Variants in RBM17 observed in about 807,000 individuals in gnomAD.
RBM17 encodes RNA binding motif protein 17, also known as splicing factor 45.
RBM17 carries 7 observed loss-of-function variants against 53.2 expected under a neutral mutation model. The observed-to-expected ratio is 0.13, with a 90% CI of 0.07 to 0.25. The LOEUF (loss-of-function observed/expected upper bound fraction) is 0.25, where lower values mean the gene tolerates loss of function less well. Among genes scored for constraint, RBM17 ranks in the 10% least tolerant of loss-of-function variants. The pLI is 1.00. For missense variants in RBM17, 257 were observed against 496.7 expected (o/e 0.52, Z 4.59); for synonymous variants, 167 against 178.1 (o/e 0.94, Z 0.50).
chr10:6,105,428 C>A (rs1341399823), intron 4 of RBM17, among the ~76,000 whole-genome samples: 1 of 152,194 alleles, frequency 6.6e-6, no homozygotes, highest in Non-Finnish European at 1.5e-5. Flanking sequence ...ATCTGAAATG[C>A]TCCAAAATCT....
chr10:6,099,279 G>T (rs1588345205), intron 2 of RBM17, among the ~76,000 whole-genome samples: 1 of 146,714 alleles, frequency 6.8e-6, no homozygotes, highest in Non-Finnish European at 1.5e-5. Flanking sequence ...AGTTTTGTGG[G>T]TTTTTTTTTT....
Position 6,105,018 on chromosome 10 carries a change from A to C in RBM17, c.328A>C (p.Lys110Gln), listed in dbSNP as rs1389206158. 1 of 1,614,014 alleles carries C rather than the reference A, an allele frequency of 6.2e-7. No individual in the cohort carries two copies. The highest frequency in any genetic ancestry group is 8.5e-7 in the Non-Finnish European group (1 of 1,179,974). Residue 110 changes from lysine (K) to glutamine (Q), a missense_variant, in exon 4 of 12, where the codon AAA (lysine) becomes CAA (glutamine). Transcript: ENST00000379888. The stretch of plus-strand genomic sequence containing the variant: ...CCCTATGTTTCCTAATGATTATGAG[A>C]AAGTAGTGAAGCGCCAAAGAGAGGA... ...YDPMFPNDYE[K>Q]VVKRQREERQ...
At chr10:6,094,630 G>A (rs767205420) in intron 1 of RBM17, among the ~76,000 whole-genome samples, 3 of 152,216 alleles carry the variant, frequency 2.0e-5, no homozygotes, top group Non-Finnish European at 4.4e-5. Context: ...GTGTTTGGGA[G>A]CCACAGTGCT....
chr10:6,099,448 C>T (rs1465284767), intron 2 of RBM17, among the ~76,000 whole-genome samples: 1 of 152,022 alleles, frequency 6.6e-6, no homozygotes, highest in Non-Finnish European at 1.5e-5. Flanking sequence ...TTCTTGGTGT[C>T]CACAGGGGAT....
chr10:6,107,243 C>T (rs1045823618), intron 5 of RBM17, among the ~76,000 whole-genome samples: 12 of 152,304 alleles, frequency 7.9e-5, no homozygotes, highest in African/African-American at 2.9e-4. Flanking sequence ...GTGGTGCAAT[C>T]TCGGCTCACC....
rs775790217 is a variant in RBM17, at chr10:6,115,937, GTTTTTC to G, written c.*392_*397del. 1.7e-3 allele frequency: 248 copies of G among 150,278 alleles called. No homozygotes were observed. Among genetic ancestry groups the G allele is most frequent in the Non-Finnish European group, 2.6e-3 (182 of 70,036 alleles). 9.3% of individuals were successfully genotyped at this position (150,278 alleles called of 1,614,324 possible). A position where few individuals can be genotyped will look rare whatever the true frequency, so the allele number is the denominator to read the frequency against. ...ATGGGGTTATATTAAATTATTCTTT[GTTTTTC>G]TTTTTCTTTTAATAAAGCCTGCAAG... is the stretch of plus-strand genomic sequence containing the variant. On this transcript the variant is annotated 3_prime_UTR_variant, in exon 12 of 12. Coordinates refer to ENST00000379888, the MANE Select transcript of RBM17 (RefSeq NM_032905.5).
chr10:6,113,493 T>C lies in RBM17; in HGVS notation c.857-15T>C. On this transcript the variant is annotated splice_polypyrimidine_tract_variant and intron_variant, in intron 8 of 11. Transcript: ENST00000379888. The stretch of plus-strand genomic sequence containing the variant: ...CTCAGTTCTGTAACACATCTAATGG[T>C]ATGTTTTGATACAGATGCATCCAAG... The C allele has an allele frequency of 6.3e-7, 1 of 1,580,512 alleles. No homozygotes were observed. Among genetic ancestry groups the C allele is most frequent in the Non-Finnish European group, 8.7e-7 (1 of 1,149,640 alleles).
At chr10:6,097,022 T>A in intron 1 of RBM17, 26 bp from the exon 2 acceptor site, 1 of 1,597,874 alleles carries the variant, frequency 6.3e-7, no homozygotes, top group Non-Finnish European at 8.5e-7. Flanking sequence ...GTGCATTCTT[T>A]AATCCCCACC....
chr10:6,110,291 T>C lies in RBM17; in HGVS notation c.704+164T>C, dbSNP rs889041963. 3.9e-5 allele frequency among the ~76,000 whole-genome samples: 6 copies of C among 152,194 alleles called. No individual in the cohort carries two copies. In the East Asian group the frequency reaches 1.2e-3, roughly 29 times the overall value. ...TCGTGTGGAGCGTGTTCCAGTGTAA[T>C]GATGGGGCTTGTTCAAAACAGCAAC... On this transcript the variant is annotated intron_variant, in intron 7 of 11. Transcript: ENST00000379888.
chr10:6,115,004 G>T, intron 10 of RBM17: 1 of 502,840 alleles, frequency 2.0e-6, no homozygotes, highest in East Asian at 3.2e-5. Flanking sequence ...GCCTTTATGA[G>T]GTCAGAGACT....
Position 6,102,680 on chromosome 10 carries a change from G to A in RBM17, c.240+1293G>A, listed in dbSNP as rs1840685051. Among the ~76,000 whole-genome samples, 2 of 152,094 alleles carry A rather than the reference G, an allele frequency of 1.3e-5. 1 individual carries two copies. Among genetic ancestry groups the A allele is most frequent in the South Asian group, 4.2e-4 (2 of 4,810 alleles). ...TTCCTCCTTGTTACATAGTTTTCAC[G>A]ATCAGTTTTTAATTCTCATTAAGCG... On this transcript the variant is annotated intron_variant, in intron 3 of 11. Coordinates refer to ENST00000379888, the MANE Select transcript of RBM17 (RefSeq NM_032905.5).
At position 6,105,107 on chromosome 10, in the gene RBM17, C is replaced by T; in HGVS notation, c.407+10C>T. 6.2e-7 allele frequency: 1 copy of T among 1,609,352 alleles called. No homozygotes were observed. The highest frequency in any genetic ancestry group is 8.5e-7 in the Non-Finnish European group (1 of 1,176,876). ...TAGAAGAAAGGGAAAAGTAAGGCTT[C>T]CTTTGGATTTGGGGATATTTTACAG... On this transcript the variant is annotated intron_variant, in intron 4 of 11. Transcript: ENST00000379888.
intron 4 of RBM17, 148 bp from the exon 5 acceptor site, chr10:6,105,993 G>T: frequency 1.8e-6 from 1 of 569,358 alleles, no homozygotes; most frequent in Non-Finnish European, 3.2e-6. Flanking sequence ...TCTTTTACCA[G>T]TTATGCTTCC....
chr10:6,102,484 T>G (rs1298682042), intron 3 of RBM17, among the ~76,000 whole-genome samples: 1 of 152,154 alleles, frequency 6.6e-6, no homozygotes, highest in Admixed American at 6.5e-5. Context: ...CACCACATGG[T>G]GGAGGTGTTT....
At chr10:6,111,383 A>G (rs1472006483) in intron 7 of RBM17, among the ~76,000 whole-genome samples, 1 of 152,240 alleles carries the variant, frequency 6.6e-6, no homozygotes, top group Non-Finnish European at 1.5e-5. Flanking sequence ...TCTGTCGCCC[A>G]GGCTGGAGTG....
At chr10:6,113,988 C>A in intron 9 of RBM17, 61 bp from the exon 10 acceptor site, 1 of 1,063,618 alleles carries the variant, frequency 9.4e-7, no homozygotes, top group Non-Finnish European at 1.4e-6. Context: ...ATTTATATAC[C>A]TCTGCTAGGT....
intron 5 of RBM17, among the ~76,000 whole-genome samples, chr10:6,106,568 G>A (rs530268852): frequency 3.9e-5 from 6 of 152,296 alleles, no homozygotes; most frequent in South Asian, 2.1e-4. Context: ...TCTTAGGGGG[G>A]AAGCATAGTT....
chr10:6,107,323 G>A lies in RBM17; in HGVS notation c.505+1085G>A, dbSNP rs534744029. On this transcript the variant is annotated intron_variant, in intron 5 of 11. Transcript: ENST00000379888. ...CTCCAGAGTAGCTGGGATTACAGGT[G>A]TGCGCTACCACGCCCATCTAATTTT... 2.0e-5 allele frequency among the ~76,000 whole-genome samples: 3 copies of A among 151,868 alleles called. No individual in the cohort carries two copies. In the South Asian group the frequency reaches 6.3e-4, roughly 32 times the overall value.
intron 2 of RBM17, among the ~76,000 whole-genome samples, chr10:6,097,395 A>T (rs1840591884): frequency 6.6e-6 from 1 of 152,216 alleles, no homozygotes; most frequent in South Asian, 2.1e-4. Flanking sequence ...GGTAGGAATG[A>T]AGAAAAACAG....
Sources: allele counts gnomAD v4.1 joint callset (sites outside exome capture counted in the v4.1 genomes callset), GRCh38; gene constraint gnomAD v4.1.1; transcripts MANE v1.5; gene names NCBI Gene and HGNC (gene_info 2026-07-23, HGNC 2026-07-21).